The following RORA variants were observed in gnomAD, a reference collection of about 807,000 sequenced individuals.
RORA encodes the protein nuclear receptor ROR-alpha.
Under a neutral mutation model 69.5 loss-of-function variants are expected in RORA, and 7 were observed. That is an observed-to-expected ratio of 0.10 (90% CI 0.06 to 0.19). RORA has a LOEUF of 0.19. RORA is among the 10% of genes least tolerant of loss of function. The probability of loss-of-function intolerance (pLI) is 1.00; values close to 1 mark genes in which losing one functional copy is unlikely to be tolerated. For missense variants in RORA, 457 were observed against 663.0 expected, an observed-to-expected ratio of 0.69 and a Z score of 3.41; for synonymous variants, 261 against 240.8, an observed-to-expected ratio of 1.08 and a Z score of -0.78.
chr15:60,936,585 C>T (rs1197027569), intron 1 of RORA, among the ~76,000 whole-genome samples: 2 of 149,738 alleles, frequency 1.3e-5, no homozygotes, highest in African/African-American at 4.9e-5. Context: ...ACGGGGATCA[C>T]AGTGCTCTAT....
At chr15:60,926,214 G>A (rs1261195845) in intron 1 of RORA, among the ~76,000 whole-genome samples, 9 of 152,132 alleles carry the variant, frequency 5.9e-5, no homozygotes, top group East Asian at 5.8e-4. Context: ...ACAGCTATTC[G>A]AAAGCCAAAA....
chr15:61,033,142 G>C (rs72754760), intron 1 of RORA, among the ~76,000 whole-genome samples: 11,360 of 152,178 alleles, frequency 0.075, 535 homozygotes, highest in Non-Finnish European at 0.096. Context: ...ACCCCAAGGA[G>C]TTTGTGCATG....
intron 1 of RORA, among the ~76,000 whole-genome samples, chr15:61,036,353 T>A (rs796365882): frequency 6.6e-6 from 1 of 152,150 alleles, no homozygotes; most frequent in South Asian, 2.1e-4. Context: ...TTGCTTCACA[T>A]CTCCATTGGT....
chr15:60,805,868 T>C (rs917335927), intron 1 of RORA, among the ~76,000 whole-genome samples: 7 of 152,200 alleles, frequency 4.6e-5, no homozygotes, highest in African/African-American at 1.7e-4. Flanking sequence ...CTCTATAATA[T>C]GGTATCTTTT....
At chr15:60,685,385 C>T (rs1344102557) in intron 1 of RORA, among the ~76,000 whole-genome samples, 3 of 152,172 alleles carry the variant, frequency 2.0e-5, no homozygotes, top group East Asian at 1.9e-4. Context: ...AGCTAAGAAA[C>T]GAGGCCTAGA....
intron 1 of RORA, among the ~76,000 whole-genome samples, chr15:60,889,531 G>A (rs1178122986): frequency 6.6e-6 from 1 of 152,220 alleles, no homozygotes; most frequent in Non-Finnish European, 1.5e-5. Flanking sequence ...ACAGTTGTAC[G>A]AAGGCAAAGG....
intron 1 of RORA, among the ~76,000 whole-genome samples, chr15:60,682,684 T>C (rs983374248): frequency 2.6e-5 from 4 of 152,206 alleles, no homozygotes; most frequent in African/African-American, 9.6e-5. Context: ...AGTGGGCTGC[T>C]GATCAGCACA....
intron 2 of RORA, among the ~76,000 whole-genome samples, chr15:60,553,084 ATATG>A (rs1235652879): frequency 1.3e-5 from 2 of 152,170 alleles, no homozygotes; most frequent in African/African-American, 4.8e-5. Context: ...ATGCAAGAAT[ATATG>A]TAAGCAACTA....
At chr15:60,891,497 T>G (rs187315144) in intron 1 of RORA, among the ~76,000 whole-genome samples, 132 of 152,242 alleles carry the variant, frequency 8.7e-4, no homozygotes, top group African/African-American at 2.6e-3. Context: ...AGGAACAATA[T>G]TAGCTCCAGA....
intron 2 of RORA, among the ~76,000 whole-genome samples, chr15:60,668,496 G>C (rs1454180715): frequency 6.6e-6 from 1 of 152,082 alleles, no homozygotes; most frequent in Admixed American, 6.6e-5. Flanking sequence ...AACCCTCCAG[G>C]GACCCAGAGG....
chr15:60,975,764 G>A (rs79767706), intron 1 of RORA, among the ~76,000 whole-genome samples: 9,710 of 152,268 alleles, frequency 0.064, 621 homozygotes, highest in East Asian at 0.38. Flanking sequence ...CACAGGAAAC[G>A]GGAGACCCCT....
In RORA at chr15:61,082,320, C is replaced by T. The variant is rs1054222632; in HGVS notation, c.166+146733G>A. Among the ~76,000 whole-genome samples, 14 of 152,320 alleles carry T rather than the reference C, an allele frequency of 9.2e-5. No homozygotes were observed. In the South Asian group the frequency reaches 2.7e-3, roughly 29 times the overall value. ...CCTGGCCAACATGGTGAAGCCCCGT[C>T]TCTACTAACAATACAAAAATTAGCT... On this transcript the variant is annotated intron_variant, in intron 1 of 10. Coordinates refer to ENST00000335670, the MANE Select transcript of RORA (RefSeq NM_134261.3).
intron 1 of RORA, among the ~76,000 whole-genome samples, chr15:60,806,214 A>G (rs1353083220): frequency 1.3e-5 from 2 of 152,226 alleles, no homozygotes; most frequent in African/African-American, 4.8e-5. Context: ...ATGCAAGGAG[A>G]TTAAAAAAAC....
At position 60,613,395 on chromosome 15, in the gene RORA, G is replaced by A. The variant is rs370323332; in HGVS notation, c.196+65262C>T. Reference sequence around the variant, plus strand: ...AGGTTTTTCTAAGGAGAGAAAGCCCGGTGACAAATTAAAAAGAGCTCTGGA... The same window carrying A: ...AGGTTTTTCTAAGGAGAGAAAGCCCAGTGACAAATTAAAAAGAGCTCTGGA... On this transcript the variant is annotated intron_variant, in intron 2 of 10. Coordinates refer to ENST00000335670, the MANE Select transcript of RORA (RefSeq NM_134261.3). 5.3e-5 allele frequency among the ~76,000 whole-genome samples: 8 copies of A among 152,130 alleles called. No individual in the cohort carries two copies. The East Asian group carries it at 9.7e-4, about 18-fold the overall frequency.
intron 2 of RORA, among the ~76,000 whole-genome samples, chr15:60,654,339 C>T (rs58017935): frequency 0.013 from 1,914 of 152,226 alleles, 54 homozygotes; most frequent in East Asian, 0.1. Context: ...AAACATTTTT[C>T]CCATATTTCA....
At position 60,872,097 on chromosome 15, in the gene RORA, T is replaced by C. The variant is rs375230658; in HGVS notation, c.167-193411A>G. On this transcript the variant is annotated intron_variant, in intron 1 of 10. Transcript: ENST00000335670. Reference sequence around the variant, plus strand: ...CAGCACTATGAGGTAATCTCTATCATAAAGCAAGTGTGCCATAGCAAAATA... The same window carrying C: ...CAGCACTATGAGGTAATCTCTATCACAAAGCAAGTGTGCCATAGCAAAATA... 7.0e-4 allele frequency among the ~76,000 whole-genome samples: 107 copies of C among 152,128 alleles called. 3 individuals carry two copies. The South Asian group carries it at 0.021, about 30-fold the overall frequency.
At chr15:60,969,109 G>T (rs1893638608) in intron 1 of RORA, among the ~76,000 whole-genome samples, 3 of 152,164 alleles carry the variant, frequency 2.0e-5, no homozygotes. Context: ...ACCCTATGAA[G>T]TGGCCCATGG....
chr15:61,100,093 G>A (rs1595985835), intron 1 of RORA, among the ~76,000 whole-genome samples: 1 of 151,220 alleles, frequency 6.6e-6, no homozygotes, highest in East Asian at 1.9e-4. Context: ...CCAACATCTG[G>A]GAATGAATGG....
At chr15:60,996,646 C>G (rs1894547563) in intron 1 of RORA, among the ~76,000 whole-genome samples, 1 of 152,178 alleles carries the variant, frequency 6.6e-6, no homozygotes, top group Non-Finnish European at 1.5e-5. Context: ...CACGATGGCT[C>G]ACACCTGTAA....
Sources: allele counts gnomAD v4.1 joint callset (sites outside exome capture counted in the v4.1 genomes callset), GRCh38; gene constraint gnomAD v4.1.1; transcripts MANE v1.5; gene names NCBI Gene and HGNC (gene_info 2026-07-23, HGNC 2026-07-21).